PCDH9: variants seen among roughly 807,000 people sequenced by gnomAD.
The protein encoded by PCDH9 is protocadherin-9.
In PCDH9, 24 loss-of-function variants were observed where a neutral mutation model predicts 70.6. The ratio of observed to expected loss-of-function variants is 0.34; its 90% CI spans 0.25 to 0.48. The LOEUF is 0.48. Ranked by LOEUF, PCDH9 falls within the 20% of genes least tolerant of loss-of-function variation. The probability of loss-of-function intolerance (pLI) is 0.99; values close to 1 mark genes in which losing one functional copy is unlikely to be tolerated. For synonymous variants in PCDH9, 562 were observed against 558.5 expected, an observed-to-expected ratio of 1.01 and a Z score of -0.09; for missense variants, 1,281 against 1,503.6, an observed-to-expected ratio of 0.85 and a Z score of 2.45.
intron 4 of PCDH9, among the ~76,000 whole-genome samples, chr13:66,398,723 A>T (rs2138288540): frequency 6.6e-6 from 1 of 152,366 alleles, no homozygotes; most frequent in East Asian, 1.9e-4. Context: ...GCTAATAGTT[A>T]TTAAAATATC....
intron 4 of PCDH9, among the ~76,000 whole-genome samples, chr13:66,528,952 A>G (rs990614327): frequency 6.6e-6 from 1 of 152,108 alleles, no homozygotes; most frequent in African/African-American, 2.4e-5. Context: ...TCACGTGGGA[A>G]ACAACTTTTA....
At chr13:66,945,369 T>C (rs2083071907) in intron 2 of PCDH9, among the ~76,000 whole-genome samples, 1 of 152,112 alleles carries the variant, frequency 6.6e-6, no homozygotes, top group Admixed American at 6.6e-5. Context: ...CTTATGGTAC[T>C]CCTGTGCATA....
chr13:66,571,470 C>T (rs1174162400), intron 4 of PCDH9, among the ~76,000 whole-genome samples: 1 of 151,782 alleles, frequency 6.6e-6, no homozygotes, highest in Non-Finnish European at 1.5e-5. Flanking sequence ...TATAAAAAGA[C>T]TTAGCAAGCT....
chr13:66,701,970 G>C (rs2078653669), intron 3 of PCDH9, among the ~76,000 whole-genome samples: 1 of 152,048 alleles, frequency 6.6e-6, no homozygotes, highest in Admixed American at 6.6e-5. Flanking sequence ...CAGGAAGCTG[G>C]GCAACGCGCA....
intron 2 of PCDH9, chr13:67,204,049 T>C (rs1263072555): frequency 6.6e-6 from 1 of 152,108 alleles, no homozygotes; most frequent in Non-Finnish European, 1.5e-5. Context: ...CAGAGATATT[T>C]CATAAAGCAA....
chr13:66,322,753 T>TA (rs1955777512), intron 4 of PCDH9, among the ~76,000 whole-genome samples: 1 of 152,050 alleles, frequency 6.6e-6, no homozygotes, highest in Non-Finnish European at 1.5e-5. Flanking sequence ...CCAGTGATTT[T>TA]ATAATTAGTA....
In PCDH9 at chr13:66,565,241, AG is replaced by A. The variant is rs1271836607; in HGVS notation, c.3340+65968del. ...TGTATCAGTAGACTTTGAAACTCCA[AG>A]AATGTTTTCACCCTTATGCTGAGAA... On this transcript the variant is annotated intron_variant, in intron 4 of 4. Coordinates refer to ENST00000377865, the MANE Select transcript of PCDH9 (RefSeq NM_203487.3). Among the ~76,000 whole-genome samples the A allele has an allele frequency of 3.3e-5, 5 of 152,336 alleles. No individual in the cohort carries two copies. In the South Asian group the frequency reaches 6.2e-4, roughly 19 times the overall value.
intron 2 of PCDH9, among the ~76,000 whole-genome samples, chr13:66,999,205 A>G (rs2084186537): frequency 6.6e-6 from 1 of 152,172 alleles, no homozygotes; most frequent in African/African-American, 2.4e-5. Context: ...CCCAGTTAAA[A>G]TGTCATTTAA....
At chr13:67,049,427 T>A (rs1021122082) in intron 2 of PCDH9, among the ~76,000 whole-genome samples, 23 of 152,240 alleles carry the variant, frequency 1.5e-4, no homozygotes, top group Admixed American at 1.4e-3. Flanking sequence ...CCTATTCCAA[T>A]CATTGTGGAA....
At chr13:66,542,807 A>C (rs1477323773) in intron 4 of PCDH9, among the ~76,000 whole-genome samples, 1 of 147,844 alleles carries the variant, frequency 6.8e-6, no homozygotes, top group Non-Finnish European at 1.5e-5. Flanking sequence ...ATATATAAAT[A>C]TATATATCTA....
At chr13:66,953,036 A>G (rs1306937266) in intron 2 of PCDH9, among the ~76,000 whole-genome samples, 1 of 152,022 alleles carries the variant, frequency 6.6e-6, no homozygotes, top group Non-Finnish European at 1.5e-5. Context: ...TAGTATTATT[A>G]CCTAATGTAA....
intron 2 of PCDH9, chr13:66,977,516 T>G (rs1303918648): frequency 6.6e-6 from 1 of 152,112 alleles, no homozygotes. Context: ...AAGGCTTTAT[T>G]AAGTTATTGC....
chr13:66,717,090 A>C (rs7998369), intron 3 of PCDH9, among the ~76,000 whole-genome samples: 149,253 of 152,040 alleles, frequency 0.98, 73,311 homozygotes, highest in East Asian at 1. Context: ...ATCTAATTTT[A>C]TTTATTTTTT....
At chr13:66,733,240 T>C (rs1431168514) in intron 3 of PCDH9, among the ~76,000 whole-genome samples, 3 of 152,130 alleles carry the variant, frequency 2.0e-5, no homozygotes, top group African/African-American at 7.2e-5. Flanking sequence ...GATATTTCCA[T>C]CTCTCAAAAT....
chr13:66,812,891 C>T (rs761455769), intron 3 of PCDH9, among the ~76,000 whole-genome samples: 4 of 152,192 alleles, frequency 2.6e-5, no homozygotes, highest in Non-Finnish European at 5.9e-5. Context: ...GCAACCATCA[C>T]AGGCACCAAC....
chr13:66,963,571 G>A (rs2083384105), intron 2 of PCDH9, among the ~76,000 whole-genome samples: 1 of 152,078 alleles, frequency 6.6e-6, no homozygotes, highest in African/African-American at 2.4e-5. Flanking sequence ...GATAGACTTT[G>A]ATTTTTATCA....
chr13:66,477,391 A>G (rs116531428), intron 4 of PCDH9, among the ~76,000 whole-genome samples: 1,771 of 152,284 alleles, frequency 0.012, 35 homozygotes, highest in African/African-American at 0.041. Context: ...TATAAATGTA[A>G]ATCTCATTGT....
At chr13:66,377,821 A>G (rs1181272840) in intron 4 of PCDH9, among the ~76,000 whole-genome samples, 4 of 152,072 alleles carry the variant, frequency 2.6e-5, no homozygotes, top group East Asian at 1.9e-4. Flanking sequence ...CTTGCTGTCA[A>G]CCCTGTGTTA....
At chr13:67,167,384 A>G (rs1213601783) in intron 2 of PCDH9, among the ~76,000 whole-genome samples, 1 of 152,172 alleles carries the variant, frequency 6.6e-6, no homozygotes, top group Non-Finnish European at 1.5e-5. Context: ...CAAGACACTA[A>G]TATAAAAATC....
Sources: gnomAD v4.1 joint callset for allele counts (sites outside exome capture counted in the v4.1 genomes callset) on GRCh38, gnomAD v4.1.1 for gene constraint, MANE v1.5 for transcripts, NCBI Gene and HGNC (gene_info 2026-07-23, HGNC 2026-07-21) for gene names.